Variants in STXBP5L observed in about 807,000 individuals in gnomAD.
The protein encoded by STXBP5L is syntaxin binding protein 5L.
STXBP5L carries 65 observed loss-of-function variants against 144.5 expected under a neutral mutation model. The observed-to-expected ratio is 0.45, with a 90% confidence interval of 0.37 to 0.55. The LOEUF (loss-of-function observed/expected upper bound fraction) is 0.55. Among genes scored for constraint, STXBP5L ranks in the 20% least tolerant of loss-of-function variants. The probability of loss-of-function intolerance (pLI) is 0.00; values close to 1 mark genes in which losing one functional copy is unlikely to be tolerated. For missense variants in STXBP5L, 1,298 were observed against 1,405.5 expected (o/e 0.92, Z 1.22); for synonymous variants, 505 against 469.6 (o/e 1.08, Z -0.97).
At chr3:121,241,502 C>T (rs1577285873) in intron 14 of STXBP5L, among the ~76,000 whole-genome samples, 1 of 152,034 alleles carries the variant, frequency 6.6e-6, no homozygotes, top group East Asian at 1.9e-4. Context: ...TCACCCTTAT[C>T]AGGGTATAAT....
intron 6 of STXBP5L, among the ~76,000 whole-genome samples, chr3:121,116,569 T>C (rs752695767): frequency 1.3e-5 from 2 of 152,138 alleles, no homozygotes; most frequent in Non-Finnish European, 2.9e-5. Context: ...GATGACATTA[T>C]TGAAGCATTA....
chr3:120,970,808 C>T (rs1447116949), intron 3 of STXBP5L, among the ~76,000 whole-genome samples: 1 of 151,970 alleles, frequency 6.6e-6, no homozygotes, highest in Non-Finnish European at 1.5e-5. Flanking sequence ...CTGTTTTTTT[C>T]CATTCTAGGG....
At chr3:121,388,531 G>T (rs1300320418) in intron 22 of STXBP5L, among the ~76,000 whole-genome samples, 5 of 152,252 alleles carry the variant, frequency 3.3e-5, no homozygotes, top group Non-Finnish European at 5.9e-5. Context: ...CTGTGGGTTT[G>T]TCATAAATAG....
At chr3:121,111,258 C>A (rs1439609533) in intron 5 of STXBP5L, among the ~76,000 whole-genome samples, 1 of 152,164 alleles carries the variant, frequency 6.6e-6, no homozygotes, top group East Asian at 1.9e-4. Context: ...CATTTCAGCC[C>A]TGCCCAGTTC....
chr3:121,084,777 C>G (rs950724811), intron 5 of STXBP5L, among the ~76,000 whole-genome samples: 2 of 152,124 alleles, frequency 1.3e-5, no homozygotes, highest in East Asian at 3.9e-4. Flanking sequence ...TTTGAGGAAT[C>G]ACCATACTGT....
At chr3:121,074,165 A>G (rs1403727360) in intron 5 of STXBP5L, among the ~76,000 whole-genome samples, 1 of 152,152 alleles carries the variant, frequency 6.6e-6, no homozygotes, top group African/African-American at 2.4e-5. Flanking sequence ...TGGTCCAAGT[A>G]TACTGTGATG....
intron 9 of STXBP5L, among the ~76,000 whole-genome samples, chr3:121,175,199 C>A (rs1037655197): frequency 6.6e-6 from 1 of 152,026 alleles, no homozygotes; most frequent in Admixed American, 6.6e-5. Flanking sequence ...CTCTGGGGAA[C>A]AAAGACTGAG....
Position 121,072,124 on chromosome 3 carries a change from A to G in STXBP5L, c.470+26589A>G, listed in dbSNP as rs545266433. On this transcript the variant is annotated intron_variant, in intron 5 of 26. Transcript: ENST00000471454. Reference sequence around the variant, plus strand: ...TGGGCCATTGTCTGTTCCTAAAGTTAAAGGCAGTTCAAATTTAGGAATAAT... The same window carrying G: ...TGGGCCATTGTCTGTTCCTAAAGTTGAAGGCAGTTCAAATTTAGGAATAAT... Among the ~76,000 whole-genome samples, 7 of 152,356 alleles carry G rather than the reference A, an allele frequency of 4.6e-5. No individual in the cohort carries two copies. The South Asian group carries it at 1.5e-3, about 32-fold the overall frequency.
chr3:120,991,503 A>G (rs1412052245), intron 3 of STXBP5L, among the ~76,000 whole-genome samples: 3 of 152,224 alleles, frequency 2.0e-5, no homozygotes, highest in Admixed American at 2.0e-4. Context: ...AGGATTATAA[A>G]TCATGCTACT....
chr3:121,120,955 A>G (rs1454102262), intron 6 of STXBP5L, among the ~76,000 whole-genome samples: 6 of 151,284 alleles, frequency 4.0e-5, no homozygotes, highest in Non-Finnish European at 1.5e-5. Context: ...ACTAGGAATT[A>G]TAATAGAAAC....
chr3:121,265,783 AG>A (rs1471175755), intron 18 of STXBP5L, among the ~76,000 whole-genome samples: 1 of 152,172 alleles, frequency 6.6e-6, no homozygotes, highest in Non-Finnish European at 1.5e-5. Context: ...AAAATGATAA[AG>A]GGGATATCAC....
intron 5 of STXBP5L, among the ~76,000 whole-genome samples, chr3:121,057,518 T>A (rs1490987043): frequency 6.6e-6 from 1 of 152,012 alleles, no homozygotes; most frequent in South Asian, 2.1e-4. Context: ...GTATCCTAAT[T>A]TCCAACTCTA....
intron 19 of STXBP5L, among the ~76,000 whole-genome samples, chr3:121,316,530 G>T (rs995400920): frequency 6.6e-6 from 1 of 152,112 alleles, no homozygotes; most frequent in African/African-American, 2.4e-5. Flanking sequence ...TGATGTAATA[G>T]CCTTTCTTCC....
intron 2 of STXBP5L, among the ~76,000 whole-genome samples, chr3:120,933,522 T>C (rs1213698276): frequency 3.3e-5 from 5 of 152,134 alleles, no homozygotes; most frequent in African/African-American, 1.2e-4. Context: ...AACAAATATA[T>C]ATTTTGATGA....
intron 20 of STXBP5L, among the ~76,000 whole-genome samples, chr3:121,346,128 C>A (rs2044961867): frequency 1.3e-5 from 2 of 148,932 alleles, no homozygotes; most frequent in Non-Finnish European, 3.0e-5. Flanking sequence ...CAACAGGCCC[C>A]AGGGTGTGAT....
intron 3 of STXBP5L, among the ~76,000 whole-genome samples, chr3:121,015,437 C>T (rs1945075102): frequency 6.6e-6 from 1 of 152,072 alleles, no homozygotes; most frequent in African/African-American, 2.4e-5. Flanking sequence ...AAGAGAAAAG[C>T]AAATCCAGAT....
chr3:121,132,498 G>C (rs1315080352), intron 7 of STXBP5L, among the ~76,000 whole-genome samples: 1 of 152,192 alleles, frequency 6.6e-6, no homozygotes, highest in African/African-American at 2.4e-5. Context: ...GAAGTCCTCA[G>C]AATCTCTGTC....
At chr3:121,381,591 T>C in intron 22 of STXBP5L, 59 bp downstream of exon 22, 3 of 1,560,118 alleles carry the variant, frequency 1.9e-6, no homozygotes, top group African/African-American at 2.8e-5. Context: ...AGATATAAGG[T>C]ATTATAAACA....
At chr3:121,009,711 G>A (rs1289152197) in intron 3 of STXBP5L, among the ~76,000 whole-genome samples, 2 of 151,902 alleles carry the variant, frequency 1.3e-5, no homozygotes, top group Non-Finnish European at 2.9e-5. Flanking sequence ...GAACTTAGTT[G>A]GGCCTAATTC....
Sources: allele counts gnomAD v4.1 joint callset (sites outside exome capture counted in the v4.1 genomes callset), GRCh38; gene constraint gnomAD v4.1.1; transcripts MANE v1.5; gene names NCBI Gene and HGNC (gene_info 2026-07-23, HGNC 2026-07-21).